The following LHCGR variants were observed in gnomAD, a reference collection of about 807,000 sequenced individuals.
LHCGR encodes the protein lutropin-choriogonadotropic hormone receptor.
Under a neutral mutation model 60.7 loss-of-function variants are expected in LHCGR, and 55 were observed. The ratio of observed to expected loss-of-function variants is 0.91; its 90% CI spans 0.73 to 1.13. The LOEUF is 1.13. Among genes scored for constraint, LHCGR ranks in the 50% most tolerant of loss-of-function variants. The probability of loss-of-function intolerance (pLI) is 0.00; values close to 1 mark genes in which losing one functional copy is unlikely to be tolerated. For synonymous variants in LHCGR, 337 were observed against 316.5 expected (o/e 1.06, Z -0.69); for missense variants, 862 against 836.0 (o/e 1.03, Z -0.38).
chr2:48,726,268 G>T (rs1392533351), intron 3 of LHCGR, among the ~76,000 whole-genome samples: 1 of 152,174 alleles, frequency 6.6e-6, no homozygotes, highest in African/African-American at 2.4e-5. Context: ...GAATTTGGGG[G>T]ATTTTATACT....
chr2:48,742,863 A>G (rs1669525719), intron 1 of LHCGR, among the ~76,000 whole-genome samples: 1 of 152,216 alleles, frequency 6.6e-6, no homozygotes, highest in South Asian at 2.1e-4. Context: ...TGAAGGACAT[A>G]GAGACACAAA....
chr2:48,744,814 G>A (rs1283059136), intron 1 of LHCGR, among the ~76,000 whole-genome samples: 1 of 151,504 alleles, frequency 6.6e-6, no homozygotes, highest in Non-Finnish European at 1.5e-5. Flanking sequence ...AACACCAAAA[G>A]CAATGGCAAC....
chr2:48,729,092 G>A lies in LHCGR; in HGVS notation c.308+61C>T. ...GGATGCTTGAATACAAATACCAAGT[G>A]GGCTCCAGCCAGTGAGGGTAATAGT... On this transcript the variant is annotated intron_variant, in intron 3 of 10. Transcript: ENST00000294954. 5 of 1,238,584 alleles carry A rather than the reference G, an allele frequency of 4.0e-6. No homozygotes were observed. In the South Asian group the frequency reaches 6.0e-5, roughly 15 times the overall value. 76.7% of individuals were successfully genotyped at this position (1,238,584 alleles called of 1,614,324 possible). A position where few individuals can be genotyped will look rare whatever the true frequency, so the allele number is the denominator to read the frequency against.
At chr2:48,715,511 C>G (rs1010549710) in intron 6 of LHCGR, among the ~76,000 whole-genome samples, 8 of 152,194 alleles carry the variant, frequency 5.3e-5, no homozygotes, top group African/African-American at 1.9e-4. Context: ...GGAAGCTGGC[C>G]AGGGACAGGC....
At position 48,742,971 on chromosome 2, in the gene LHCGR, G is replaced by T. The variant is rs190381736; in HGVS notation, c.162-11673C>A. Among the ~76,000 whole-genome samples the T allele has an allele frequency of 5.0e-3, 765 of 152,228 alleles. 3 individuals carry two copies. Among genetic ancestry groups the T allele is most frequent in the African/African-American group, 0.018 (731 of 41,518 alleles). On this transcript the variant is annotated intron_variant, in intron 1 of 10. Transcript: ENST00000294954. ...CAAGACTAATAAAGAAAAAAAGAGA[G>T]AAGAATCCAATAGATGCAATAAAAA...
At chr2:48,737,309 C>T (rs1404775091) in intron 1 of LHCGR, among the ~76,000 whole-genome samples, 1 of 152,144 alleles carries the variant, frequency 6.6e-6, no homozygotes. Flanking sequence ...ACTACAAAAT[C>T]AGATGAAGGG....
intron 1 of LHCGR, among the ~76,000 whole-genome samples, chr2:48,748,342 G>A (rs1669802241): frequency 6.6e-6 from 1 of 152,170 alleles, no homozygotes. Flanking sequence ...GAGGCTTAGG[G>A]ATGGGGAAAG....
intron 9 of LHCGR, among the ~76,000 whole-genome samples, chr2:48,695,293 T>C (rs1411196680): frequency 5.9e-5 from 9 of 152,204 alleles, no homozygotes; most frequent in Non-Finnish European, 1.2e-4. Flanking sequence ...AGCTCTGTAG[T>C]CTAATTAGGT....
At chr2:48,711,379 CAG>C in intron 7 of LHCGR, among the ~76,000 whole-genome samples, 1 of 152,324 alleles carries the variant, frequency 6.6e-6, no homozygotes, top group East Asian at 1.9e-4. Flanking sequence ...TCTACCATTG[CAG>C]ACTCAGTACC....
intron 8 of LHCGR, chr2:48,708,666 T>C (rs1330576412): frequency 1.8e-6 from 1 of 551,294 alleles, no homozygotes; most frequent in South Asian, 2.1e-5. Flanking sequence ...CTGGAATAGA[T>C]GCTTTCTTCA....
intron 8 of LHCGR, among the ~76,000 whole-genome samples, chr2:48,703,784 T>C (rs1667524288): frequency 6.6e-6 from 1 of 152,222 alleles, no homozygotes; most frequent in Admixed American, 6.5e-5. Context: ...AAGGAGATTT[T>C]GGGCGGAGAC....
At chr2:48,754,615 T>C (rs969974479) in intron 1 of LHCGR, among the ~76,000 whole-genome samples, 1 of 147,326 alleles carries the variant, frequency 6.8e-6, no homozygotes, top group Non-Finnish European at 1.5e-5. Context: ...CCCAAGCCCA[T>C]ACCCACTGAT....
At chr2:48,726,449 G>A (rs1018831972) in intron 3 of LHCGR, among the ~76,000 whole-genome samples, 4 of 152,196 alleles carry the variant, frequency 2.6e-5, no homozygotes, top group African/African-American at 9.6e-5. Flanking sequence ...GTTTGGCAAA[G>A]TATAAAAGTA....
At chr2:48,749,067 AC>A (rs1311939604) in intron 1 of LHCGR, among the ~76,000 whole-genome samples, 1 of 152,244 alleles carries the variant, frequency 6.6e-6, no homozygotes, top group Non-Finnish European at 1.5e-5. Context: ...AGAGTCAAGG[AC>A]AAGTGTAACA....
intron 7 of LHCGR, 46 bp from the exon 8 acceptor site, chr2:48,709,068 T>A: frequency 7.0e-7 from 1 of 1,431,026 alleles, no homozygotes; most frequent in Non-Finnish European, 9.9e-7. Flanking sequence ...ACCTCATGTG[T>A]AAGCATTCGT....
Position 48,704,261 on chromosome 2 carries a change from C to T in LHCGR, c.680+4687G>A, listed in dbSNP as rs191250884. ...AGCCGACTTGATTGTGGTGGATAAG[C>T]TTTTTCATGTGCTGCTGGATTTGGT... is the stretch of plus-strand genomic sequence containing the variant. On this transcript the variant is annotated intron_variant, in intron 8 of 10. Transcript: ENST00000294954. 5.1e-3 allele frequency among the ~76,000 whole-genome samples: 780 copies of T among 152,238 alleles called. 5 individuals are homozygous for T. Among genetic ancestry groups the T allele is most frequent in the African/African-American group, 0.013 (550 of 41,528 alleles).
chr2:48,752,648 C>A (rs1237846948), intron 1 of LHCGR, among the ~76,000 whole-genome samples: 1 of 151,918 alleles, frequency 6.6e-6, no homozygotes, highest in African/African-American at 2.4e-5. Context: ...ATGAACCTGT[C>A]CACTTTTCCT....
At chr2:48,702,186 G>C (rs951597213) in intron 8 of LHCGR, among the ~76,000 whole-genome samples, 3 of 152,012 alleles carry the variant, frequency 2.0e-5, no homozygotes, top group African/African-American at 7.2e-5. Flanking sequence ...CTCTCTGCAG[G>C]ATGTTGGATG....
chr2:48,702,152 C>T, intron 8 of LHCGR, among the ~76,000 whole-genome samples: 1 of 152,118 alleles, frequency 6.6e-6, no homozygotes, highest in East Asian at 1.9e-4. Flanking sequence ...TGCATTTCTC[C>T]CTGAAGCCTG....
Sources: allele counts gnomAD v4.1 joint callset (sites outside exome capture counted in the v4.1 genomes callset), GRCh38; gene constraint gnomAD v4.1.1; transcripts MANE v1.5; gene names NCBI Gene and HGNC (gene_info 2026-07-23, HGNC 2026-07-21).